STK3: variants seen among roughly 807,000 people sequenced by gnomAD.
The protein encoded by STK3 is serine/threonine-protein kinase 3.
Under a neutral mutation model 58.0 loss-of-function variants are expected in STK3, and 41 were observed. That is an observed-to-expected ratio of 0.71 (90% confidence interval 0.55 to 0.92). The LOEUF (loss-of-function observed/expected upper bound fraction) is 0.92. Ranked by LOEUF, STK3 falls within the 40% of genes least tolerant of loss-of-function variation. The pLI is 0.00. For missense variants in STK3, 479 were observed against 602.7 expected, an observed-to-expected ratio of 0.79 and a Z score of 2.15; for synonymous variants, 170 against 191.0, an observed-to-expected ratio of 0.89 and a Z score of 0.91.
intron 3 of STK3, among the ~76,000 whole-genome samples, chr8:98,751,977 AACAC>A (rs1830016724): frequency 6.6e-6 from 1 of 151,598 alleles, no homozygotes; most frequent in Non-Finnish European, 1.5e-5. Context: ...ATAATATATA[AACAC>A]ACACACACAA....
chr8:98,435,350 C>T (rs1282207636), intron 2 of STK3, among the ~76,000 whole-genome samples: 6 of 152,178 alleles, frequency 3.9e-5, no homozygotes, highest in Non-Finnish European at 7.3e-5. Context: ...TGCAGAACAT[C>T]GAAGTCAGTA....
intron 4 of STK3, among the ~76,000 whole-genome samples, chr8:98,736,575 C>G (rs1255598949): frequency 6.6e-6 from 1 of 152,036 alleles, no homozygotes; most frequent in East Asian, 1.9e-4. Context: ...TTTCCTGTGC[C>G]TTTTATTTTC....
At chr8:98,757,249 C>T (rs1314373346) in intron 3 of STK3, among the ~76,000 whole-genome samples, 2 of 150,972 alleles carry the variant, frequency 1.3e-5, no homozygotes, top group Non-Finnish European at 1.5e-5. Flanking sequence ...GGCGCGATCT[C>T]GGCTCACTGC....
chr8:98,386,496 G>A (rs1306501335), intron 1 of STK3, among the ~76,000 whole-genome samples: 1 of 152,150 alleles, frequency 6.6e-6, no homozygotes, highest in African/African-American at 2.4e-5. Flanking sequence ...TGTTTATAGG[G>A]AAGTATTTTA....
intron 3 of STK3, among the ~76,000 whole-genome samples, chr8:98,830,752 C>T (rs1459069481): frequency 2.6e-5 from 4 of 152,006 alleles, no homozygotes; most frequent in African/African-American, 4.8e-5. Flanking sequence ...GGGCAGATCA[C>T]GAGGTCAGGA....
intron 10 of STK3, among the ~76,000 whole-genome samples, chr8:98,485,667 G>A (rs138179808): frequency 6.6e-6 from 1 of 152,300 alleles, no homozygotes; most frequent in East Asian, 1.9e-4. Flanking sequence ...AAATAGTACA[G>A]ACAATTGTAC....
chr8:98,470,044 A>C (rs79625447), intron 10 of STK3, among the ~76,000 whole-genome samples: 88 of 152,340 alleles, frequency 5.8e-4, no homozygotes, highest in African/African-American at 1.9e-3. Flanking sequence ...AGTACCTGGT[A>C]CTAACAGATC....
rs115742205 is a variant in STK3, at chr8:98,841,134, C to T, written c.110+42513G>A. 9.0e-3 allele frequency among the ~76,000 whole-genome samples: 1,365 copies of T among 152,320 alleles called. 25 individuals carry two copies. Among genetic ancestry groups the T allele is most frequent in the African/African-American group, 0.032 (1,315 of 41,572 alleles). ...AAGAGAGCAAGCAAAATGGAAGTCACAGTCTTTTGCAACCTAATCAGAGAA... is the reference window on the plus strand; with the variant it reads ...AAGAGAGCAAGCAAAATGGAAGTCATAGTCTTTTGCAACCTAATCAGAGAA... On this transcript the variant is annotated intron_variant, in intron 3 of 12. Coordinates refer to the STK3 transcript ENST00000523601.
chr8:98,603,424 A>G (rs1389427265), intron 6 of STK3: 1 of 152,042 alleles, frequency 6.6e-6, no homozygotes, highest in Non-Finnish European at 1.5e-5. Context: ...TTTAGTAGAG[A>G]CAAGGTTTCA....
intron 4 of STK3, among the ~76,000 whole-genome samples, chr8:98,743,062 T>C (rs1829347722): frequency 6.6e-6 from 1 of 151,902 alleles, no homozygotes; most frequent in South Asian, 2.1e-4. Context: ...TACAAACCAC[T>C]GCTCAATGAA....
exon 1 of STK3, chr8:98,388,230 T>C (rs754303916): frequency 2.0e-5 from 3 of 152,184 alleles, no homozygotes; most frequent in Non-Finnish European, 4.4e-5. Flanking sequence ...CAAATGGTCT[T>C]TATGGGAGAA....
chr8:98,479,224 A>AGC (rs1162731916), intron 10 of STK3, among the ~76,000 whole-genome samples: 1 of 152,136 alleles, frequency 6.6e-6, no homozygotes, highest in Admixed American at 6.5e-5. Flanking sequence ...GCGGTGGCTC[A>AGC]CACCTGCAAT....
Position 98,428,356 on chromosome 8 carries a change from G to A in STK3, n.483+5771C>T. The A allele has an allele frequency of 2.5e-6, 4 of 1,614,144 alleles. No individual in the cohort carries two copies. The highest frequency in any genetic ancestry group is 2.5e-6 in the Non-Finnish European group (3 of 1,180,024). On this transcript the variant is annotated intron_variant and non_coding_transcript_variant, in intron 3 of 3. Coordinates refer to the STK3 transcript ENST00000517832. The surrounding 1 kb of genome is among the most constrained non-coding windows in gnomAD (Gnocchi z 6.7). ...TGCTGCAGCTACAGCTACCATGGCC[G>A]CAAAGTAGAGCCCGAGCAGGAGAAG...
chr8:98,653,764 C>T (rs1184566947), intron 6 of STK3, among the ~76,000 whole-genome samples: 1 of 152,028 alleles, frequency 6.6e-6, no homozygotes, highest in Non-Finnish European at 1.5e-5. Context: ...ACACATACAC[C>T]CTCCCAAGAC....
At chr8:98,510,677 T>C (rs1043648889) in intron 10 of STK3, among the ~76,000 whole-genome samples, 13 of 143,336 alleles carry the variant, frequency 9.1e-5, no homozygotes, top group African/African-American at 3.2e-4. Context: ...TATAAATAAG[T>C]ATGTTTTAAG....
chr8:98,897,028 A>G (rs528418704), intron 1 of STK3, among the ~76,000 whole-genome samples: 1 of 152,176 alleles, frequency 6.6e-6, no homozygotes, highest in African/African-American at 2.4e-5. Context: ...AGAGAAAGAG[A>G]AAGAAAGAAA....
chr8:98,701,884 G>A (rs951033418), intron 6 of STK3, among the ~76,000 whole-genome samples: 5 of 152,088 alleles, frequency 3.3e-5, no homozygotes, highest in South Asian at 2.1e-4. Context: ...AAAAAAATTT[G>A]TTTCACTTAA....
intron 7 of STK3, among the ~76,000 whole-genome samples, chr8:98,581,968 T>C (rs1172668321): frequency 6.6e-6 from 1 of 152,194 alleles, no homozygotes; most frequent in Admixed American, 6.5e-5. Context: ...CTTTAAGCAC[T>C]TGTTTTATCT....
At chr8:98,537,138 A>T (rs1809830460) in intron 9 of STK3, among the ~76,000 whole-genome samples, 1 of 152,248 alleles carries the variant, frequency 6.6e-6, no homozygotes, top group African/African-American at 2.4e-5. Context: ...ATGATTTAAT[A>T]ACAAGATACT....
Sources: allele counts gnomAD v4.1 joint callset (sites outside exome capture counted in the v4.1 genomes callset), GRCh38; gene constraint gnomAD v4.1.1; non-coding constraint Gnocchi (gnomAD v3.1); transcripts MANE v1.5; gene names NCBI Gene and HGNC (gene_info 2026-07-23, HGNC 2026-07-21).